SEMA3E: variants seen among roughly 807,000 people sequenced by gnomAD.
SEMA3E encodes the protein semaphorin-3E.
Under a neutral mutation model 93.6 loss-of-function variants are expected in SEMA3E, and 49 were observed. The observed-to-expected ratio is 0.52, with a 90% CI of 0.42 to 0.66. The LOEUF is 0.66. Ranked by LOEUF, SEMA3E falls within the 30% of genes least tolerant of loss-of-function variation. SEMA3E has a pLI of 0.00. For missense variants in SEMA3E, 906 were observed against 964.8 expected (o/e 0.94, Z 0.81); for synonymous variants, 363 against 330.7 (o/e 1.10, Z -1.06).
At chr7:83,421,944 G>A (rs781462834) in intron 4 of SEMA3E, among the ~76,000 whole-genome samples, 1 of 152,162 alleles carries the variant, frequency 6.6e-6, no homozygotes, top group Admixed American at 6.5e-5. Context: ...TTGGGAGGCC[G>A]AGGAAGGCAC....
intron 1 of SEMA3E, among the ~76,000 whole-genome samples, chr7:83,514,170 A>G (rs933018315): frequency 1.3e-5 from 2 of 152,120 alleles, no homozygotes; most frequent in African/African-American, 2.4e-5. Flanking sequence ...TATATAGTCT[A>G]AAAAGGGGGG....
intron 16 of SEMA3E, among the ~76,000 whole-genome samples, chr7:83,380,841 G>C (rs1787762037): frequency 6.6e-6 from 1 of 151,930 alleles, no homozygotes; most frequent in Non-Finnish European, 1.5e-5. Flanking sequence ...GTTGAACAGA[G>C]AGAAGAGAAC....
intron 1 of SEMA3E, among the ~76,000 whole-genome samples, chr7:83,542,828 C>A (rs1791565004): frequency 6.6e-6 from 1 of 152,060 alleles, no homozygotes; most frequent in Non-Finnish European, 1.5e-5. Context: ...TAAATTTCTG[C>A]CTCTAATTCA....
At chr7:83,396,904 C>T (rs1178859892) in intron 11 of SEMA3E, among the ~76,000 whole-genome samples, 175 bp from the exon 12 acceptor site, 2 of 151,856 alleles carry the variant, frequency 1.3e-5, no homozygotes, top group African/African-American at 4.8e-5. Context: ...GAAGGCAAAA[C>T]CCTGTCTCTA....
At chr7:83,551,946 A>C (rs1300735808) in intron 1 of SEMA3E, among the ~76,000 whole-genome samples, 1 of 152,084 alleles carries the variant, frequency 6.6e-6, no homozygotes, top group Non-Finnish European at 1.5e-5. Context: ...ACGCACTCTA[A>C]CATCTACACA....
chr7:83,378,549 C>T (rs1302445558), intron 16 of SEMA3E, among the ~76,000 whole-genome samples: 1 of 151,936 alleles, frequency 6.6e-6, no homozygotes, highest in African/African-American at 2.4e-5. Flanking sequence ...TCTGGTTCAA[C>T]AGAGCACCAT....
At chr7:83,441,357 TG>T (rs1483045554) in intron 4 of SEMA3E, among the ~76,000 whole-genome samples, 8 of 152,200 alleles carry the variant, frequency 5.3e-5, no homozygotes, top group Non-Finnish European at 1.2e-4. Context: ...CCAATTTGTA[TG>T]TTTTTTTAAA....
intron 1 of SEMA3E, among the ~76,000 whole-genome samples, chr7:83,586,556 G>A (rs1792631802): frequency 6.6e-6 from 1 of 151,776 alleles, no homozygotes; most frequent in African/African-American, 2.4e-5. Context: ...CTTTCTAGTT[G>A]TTGTATTAAT....
intron 1 of SEMA3E, among the ~76,000 whole-genome samples, chr7:83,502,692 AC>A: frequency 6.6e-6 from 1 of 152,296 alleles, no homozygotes; most frequent in East Asian, 1.9e-4. Flanking sequence ...CATGAATGCT[AC>A]TAGGTTTTGT....
At chr7:83,569,630 TA>T (rs1461823400) in intron 1 of SEMA3E, among the ~76,000 whole-genome samples, 1 of 151,990 alleles carries the variant, frequency 6.6e-6, no homozygotes, top group African/African-American at 2.4e-5. Context: ...CAATAAGAAA[TA>T]ACAAAAAAGG....
intron 2 of SEMA3E, among the ~76,000 whole-genome samples, chr7:83,489,400 T>TAA (rs5885359): frequency 2.0e-5 from 3 of 149,238 alleles, no homozygotes; most frequent in East Asian, 4.0e-4. Flanking sequence ...TTGTCATAAT[T>TAA]AAAAAAAAAA....
chr7:83,501,924 C>T (rs1349391144), intron 1 of SEMA3E, among the ~76,000 whole-genome samples: 1 of 152,066 alleles, frequency 6.6e-6, no homozygotes, highest in African/African-American at 2.4e-5. Flanking sequence ...TCAAATATGA[C>T]TCCCAAATTT....
intron 11 of SEMA3E, among the ~76,000 whole-genome samples, chr7:83,398,730 G>A (rs1404599213): frequency 6.6e-6 from 1 of 152,130 alleles, no homozygotes; most frequent in African/African-American, 2.4e-5. Flanking sequence ...GATCACCTGA[G>A]GTCAGGAGTT....
At chr7:83,443,661 GATC>G (rs766783748) in intron 4 of SEMA3E, among the ~76,000 whole-genome samples, 6 of 152,050 alleles carry the variant, frequency 3.9e-5, no homozygotes, top group South Asian at 2.1e-4. Flanking sequence ...AAGCTGGAAA[GATC>G]ATCATATATA....
At chr7:83,442,563 A>G (rs895157959) in intron 4 of SEMA3E, among the ~76,000 whole-genome samples, 3 of 152,114 alleles carry the variant, frequency 2.0e-5, no homozygotes, top group African/African-American at 7.3e-5. Flanking sequence ...GAAAAACACC[A>G]TCAGTGAAGA....
At chr7:83,571,955 A>G (rs1792295953) in intron 1 of SEMA3E, among the ~76,000 whole-genome samples, 1 of 152,152 alleles carries the variant, frequency 6.6e-6, no homozygotes, top group African/African-American at 2.4e-5. Flanking sequence ...GCCAATCAAG[A>G]ACACAATCCC....
intron 4 of SEMA3E, among the ~76,000 whole-genome samples, chr7:83,446,695 T>A (rs1483321026): frequency 6.6e-6 from 1 of 152,318 alleles, no homozygotes. Context: ...CAATATAGTA[T>A]GTAATTTGGG....
chr7:83,604,142 C>T (rs1793055025), intron 1 of SEMA3E, among the ~76,000 whole-genome samples: 2 of 151,912 alleles, frequency 1.3e-5, no homozygotes, highest in Admixed American at 6.6e-5. Context: ...TTAACAGTTA[C>T]AATAAAGTAC....
rs1788080161 is a variant in SEMA3E at position 83,394,409 on chromosome 7, C to G, written c.1459-71G>C. 4.1e-5 allele frequency: 52 copies of G among 1,275,202 alleles called. 3 individuals carry two copies. In the South Asian group the frequency reaches 6.3e-4, roughly 15 times the overall value. 79.0% of individuals were successfully genotyped at this position (1,275,202 alleles called of 1,614,324 possible). ...ACATTTACCTTAATATGGTTGTAAA[C>G]CCCTGAAATTACATTACTTATATAA... On this transcript the variant is annotated intron_variant, in intron 12 of 16. Transcript: ENST00000643230.
Sources: gnomAD v4.1 joint callset for allele counts (sites outside exome capture counted in the v4.1 genomes callset) on GRCh38, gnomAD v4.1.1 for gene constraint, MANE v1.5 for transcripts, NCBI Gene and HGNC (gene_info 2026-07-23, HGNC 2026-07-21) for gene names.